The following DGKB variants were observed in gnomAD, a reference collection of about 807,000 sequenced individuals.
The protein encoded by DGKB is diacylglycerol kinase beta, also known as 90 kDa diacylglycerol kinase.
In DGKB, 67 loss-of-function variants were observed where a neutral mutation model predicts 114.3. That is an observed-to-expected ratio of 0.59 (90% CI 0.48 to 0.72). DGKB has a LOEUF of 0.72. Ranked by LOEUF, DGKB falls within the 30% of genes least tolerant of loss-of-function variation. The pLI, the probability that DGKB is intolerant of heterozygous loss-of-function variation, is 0.00. For missense variants in DGKB, 907 were observed against 975.2 expected (o/e 0.93, Z 0.93); for synonymous variants, 398 against 323.1 (o/e 1.23, Z -2.49).
intron 6 of DGKB, among the ~76,000 whole-genome samples, chr7:14,708,769 A>C (rs931597532): frequency 6.7e-6 from 1 of 150,266 alleles, no homozygotes; most frequent in African/African-American, 2.5e-5. Flanking sequence ...CATACGTAGA[A>C]AGCTGAAACT....
chr7:14,658,091 G>A (rs766555191), intron 13 of DGKB, among the ~76,000 whole-genome samples: 1 of 151,954 alleles, frequency 6.6e-6, no homozygotes, highest in Non-Finnish European at 1.5e-5. Context: ...TAAAATTGTG[G>A]AAGAGCAAGC....
intron 21 of DGKB, among the ~76,000 whole-genome samples, chr7:14,355,976 G>A (rs755357268): frequency 1.3e-5 from 2 of 152,016 alleles, no homozygotes; most frequent in African/African-American, 2.4e-5. Context: ...GTCTATTCAC[G>A]GATTTGACTT....
At chr7:14,810,541 T>C (rs1422214432) in intron 2 of DGKB, among the ~76,000 whole-genome samples, 2 of 152,218 alleles carry the variant, frequency 1.3e-5, no homozygotes, top group African/African-American at 4.8e-5. Context: ...TATTAACAGT[T>C]CAAAATGTCA....
chr7:14,811,882 T>C (rs1028436381), intron 2 of DGKB, among the ~76,000 whole-genome samples: 7 of 140,296 alleles, frequency 5.0e-5, no homozygotes, highest in Admixed American at 7.2e-5. Flanking sequence ...ATCAGCACTA[T>C]GTATCTTTAG....
At chr7:14,903,237 G>A (rs1783397223), upstream of DGKB, 1 of 154,254 alleles carries the variant, frequency 6.5e-6, no homozygotes, top group South Asian at 2.1e-4. Context: ...GTGTGTGTGT[G>A]TGTGTGTGTG....
Position 14,901,684 on chromosome 7 carries a change from A to T in DGKB, c.-188+908T>A, listed in dbSNP as rs1031081266. 3.5e-5 allele frequency among the ~76,000 whole-genome samples: 5 copies of T among 144,710 alleles called. No homozygotes were observed. In the East Asian group the frequency reaches 1.1e-3, roughly 31 times the overall value. 94.9% of individuals were successfully genotyped at this position (144,710 alleles called of 152,430 possible). A position where few individuals can be genotyped will look rare whatever the true frequency, so the allele number is the denominator to read the frequency against. ...AGAGGACCTGGTTAGGTACCCCAAC[A>T]TTTTTAACATTAATTATTTCTGATT... is the stretch of plus-strand genomic sequence containing the variant. On this transcript the variant is annotated intron_variant, in intron 1 of 25. Transcript: ENST00000402815.
At chr7:14,331,109 A>G (rs1228606342) in intron 23 of DGKB, among the ~76,000 whole-genome samples, 2 of 152,056 alleles carry the variant, frequency 1.3e-5, no homozygotes, top group Non-Finnish European at 2.9e-5. Flanking sequence ...TTGCATTACC[A>G]TTGCTAAAAA....
chr7:14,223,001 T>C (rs1790241527), intron 23 of DGKB, among the ~76,000 whole-genome samples: 1 of 151,688 alleles, frequency 6.6e-6, no homozygotes, highest in African/African-American at 2.4e-5. Flanking sequence ...CCCAGTCATT[T>C]ACTTTCAATC....
intron 17 of DGKB, among the ~76,000 whole-genome samples, chr7:14,597,950 T>G (rs1802878354): frequency 6.6e-6 from 1 of 152,150 alleles, no homozygotes; most frequent in Admixed American, 6.6e-5. Context: ...TAAAGCACAA[T>G]CTTTTTTATC....
chr7:14,750,993 A>G (rs886775636), intron 4 of DGKB, among the ~76,000 whole-genome samples: 3 of 151,606 alleles, frequency 2.0e-5, no homozygotes, highest in African/African-American at 7.3e-5. Flanking sequence ...TAGTGGAGTC[A>G]GTATTTTACC....
intron 1 of DGKB, among the ~76,000 whole-genome samples, chr7:14,934,761 C>T: frequency 6.6e-6 from 1 of 152,120 alleles, no homozygotes; most frequent in East Asian, 1.9e-4. Context: ...AAGTCAAATG[C>T]TTACAATAAA....
At chr7:14,671,634 A>T (rs1414792885) in intron 13 of DGKB, among the ~76,000 whole-genome samples, 1 of 152,158 alleles carries the variant, frequency 6.6e-6, no homozygotes, top group Non-Finnish European at 1.5e-5. Context: ...TAAGTGGGCC[A>T]AGGAGGCAGA....
intron 1 of DGKB, among the ~76,000 whole-genome samples, chr7:14,910,254 GAA>G (rs745390625): frequency 1.5e-3 from 42 of 27,432 alleles, no homozygotes; most frequent in Non-Finnish European, 2.0e-3. Flanking sequence ...AAGAAAGAAA[GAA>G]AGAAAGAAAG....
chr7:14,265,399 A>G (rs1393910759), intron 23 of DGKB, among the ~76,000 whole-genome samples: 1 of 118,314 alleles, frequency 8.5e-6, no homozygotes, highest in East Asian at 3.1e-4. Context: ...CTTTTCTGCT[A>G]CTCTCCCGTA....
intron 2 of DGKB, among the ~76,000 whole-genome samples, chr7:14,816,772 A>C (rs375054295): frequency 6.6e-6 from 1 of 152,206 alleles, no homozygotes; most frequent in African/African-American, 2.4e-5. Context: ...CATTCTGTCA[A>C]CACTTTGTAA....
intron 23 of DGKB, among the ~76,000 whole-genome samples, chr7:14,294,136 A>G (rs1037558015): frequency 6.6e-6 from 1 of 152,100 alleles, no homozygotes; most frequent in Non-Finnish European, 1.5e-5. Flanking sequence ...CTTCAAAGGC[A>G]GCAATGTTTG....
chr7:14,946,510 A>C (rs1383983814), intron 1 of DGKB, among the ~76,000 whole-genome samples: 2 of 151,812 alleles, frequency 1.3e-5, no homozygotes, highest in Non-Finnish European at 2.9e-5. Context: ...TAAAATCTAC[A>C]ATAAGATATT....
intron 5 of DGKB, among the ~76,000 whole-genome samples, 191 bp downstream of exon 5, chr7:14,735,850 T>C (rs1831631444): frequency 6.6e-6 from 1 of 152,198 alleles, no homozygotes; most frequent in African/African-American, 2.4e-5. Context: ...TAAGGATAAA[T>C]TATATTTTCT....
chr7:14,301,297 A>T (rs1041528002), intron 23 of DGKB, among the ~76,000 whole-genome samples: 5 of 152,236 alleles, frequency 3.3e-5, no homozygotes, highest in African/African-American at 1.2e-4. Flanking sequence ...AGAATAGTTG[A>T]TCCACAGTGC....
Sources: allele counts gnomAD v4.1 joint callset (sites outside exome capture counted in the v4.1 genomes callset), GRCh38; gene constraint gnomAD v4.1.1; transcripts MANE v1.5; gene names NCBI Gene and HGNC (gene_info 2026-07-23, HGNC 2026-07-21).